Variants in MALT1 observed in about 807,000 individuals in gnomAD.
MALT1 encodes MALT1 paracaspase.
Under a neutral mutation model 85.5 loss-of-function variants are expected in MALT1, and 36 were observed. The observed-to-expected ratio is 0.42, with a 90% CI of 0.32 to 0.56. MALT1 has a LOEUF of 0.56. Among genes scored for constraint, MALT1 ranks in the 20% least tolerant of loss-of-function variants. The pLI is 0.10. For synonymous variants in MALT1, 359 were observed against 361.3 expected (o/e 0.99, Z 0.07); for missense variants, 716 against 981.6 (o/e 0.73, Z 3.62).
intron 2 of MALT1, among the ~76,000 whole-genome samples, chr18:58,682,794 A>T (rs1297192723): frequency 6.6e-6 from 1 of 152,220 alleles, no homozygotes; most frequent in Non-Finnish European, 1.5e-5. Context: ...AGGGCCCTGG[A>T]TTATAAATAA....
chr18:58,674,204 A>C (rs2054207684), intron 1 of MALT1: 1 of 152,202 alleles, frequency 6.6e-6, no homozygotes, highest in African/African-American at 2.4e-5. Flanking sequence ...AAAGCAGCGG[A>C]TACTTGATGT....
intron 2 of MALT1, among the ~76,000 whole-genome samples, chr18:58,690,102 A>G (rs1368910478): frequency 5.9e-5 from 9 of 152,192 alleles, no homozygotes; most frequent in Admixed American, 4.6e-4. Flanking sequence ...TGCGGCACCC[A>G]TGTGTCTAGC....
chr18:58,689,003 T>C (rs1318638269), intron 2 of MALT1, among the ~76,000 whole-genome samples: 1 of 151,868 alleles, frequency 6.6e-6, no homozygotes, highest in Non-Finnish European at 1.5e-5. Flanking sequence ...AATGCAAAAA[T>C]TAGCCGGGTA....
intron 2 of MALT1, among the ~76,000 whole-genome samples, chr18:58,692,620 G>C (rs997665376): frequency 6.6e-6 from 1 of 152,020 alleles, no homozygotes; most frequent in African/African-American, 2.4e-5. Flanking sequence ...TTGAAATTAG[G>C]CTGATTAATA....
chr18:58,705,298 G>GTGTA, intron 4 of MALT1, among the ~76,000 whole-genome samples: 1 of 116,890 alleles, frequency 8.6e-6, no homozygotes, highest in Non-Finnish European at 2.1e-5. Context: ...ACGTGTGTGT[G>GTGTA]TGTGTGTGTG....
rs143867885 is a variant in MALT1 at position 58,678,115 on chromosome 18, G to A, written c.210-3055G>A. ...CTATTTAATTCTAACAACCCTATGA[G>A]GTAGATAATATTACTAATGAAATTA... On this transcript the variant is annotated intron_variant, in intron 1 of 16. Transcript: ENST00000649217. Among the ~76,000 whole-genome samples the A allele has an allele frequency of 1.7e-3, 262 of 152,172 alleles. 1 individual carries two copies. The Middle Eastern group carries it at 0.024, about 14-fold the overall frequency.
chr18:58,710,493 C>T lies in MALT1; in HGVS notation c.925+421C>T, dbSNP rs538756684. Among the ~76,000 whole-genome samples, 82 of 151,978 alleles carry T rather than the reference C, an allele frequency of 5.4e-4. 1 individual carries two copies. In the Middle Eastern group the frequency reaches 0.024, roughly 44 times the overall value. ...TGAGCCCAGGAGTTTGAGACCAGCC[C>T]GGGCAACATAGTGAGATTCCATCTC... On this transcript the variant is annotated intron_variant, in intron 6 of 16. Coordinates refer to ENST00000649217, the MANE Select transcript of MALT1 (RefSeq NM_006785.4).
rs2055432254 is a variant in MALT1 at position 58,750,482 on chromosome 18, T to C, written c.*2640T>C. 1 of 152,340 alleles carries C rather than the reference T, an allele frequency of 6.6e-6. No homozygotes were observed. The highest frequency in any genetic ancestry group is 2.1e-4 in the South Asian group (1 of 4,824). 9.4% of individuals were successfully genotyped at this position (152,340 alleles called of 1,614,324 possible). On this transcript the variant is annotated 3_prime_UTR_variant, in exon 17 of 17. Coordinates refer to ENST00000649217, the MANE Select transcript of MALT1 (RefSeq NM_006785.4). ...AGAACAAAGTTGGAAGACGTACCAA[T>C]TTCAAAAAGTGCTACCAAGCTACAA...
chr18:58,727,381 G>A lies in MALT1; in HGVS notation c.1222+4130G>A, dbSNP rs534476424. ...TGCGGTGGCGCAATCTCGGCTCACG[G>A]CAACCTCTGCCTCCTGGGTTCAAGC... On this transcript the variant is annotated intron_variant, in intron 10 of 16. Transcript: ENST00000649217. Among the ~76,000 whole-genome samples, 12 of 152,292 alleles carry A rather than the reference G, an allele frequency of 7.9e-5. No homozygotes were observed. The South Asian group carries it at 2.5e-3, about 32-fold the overall frequency.
chr18:58,736,820 G>A (rs4594348), intron 13 of MALT1, among the ~76,000 whole-genome samples: 18,052 of 152,226 alleles, frequency 0.12, 1,645 homozygotes, highest in African/African-American at 0.26. Context: ...TGTGCCCTTC[G>A]TGGGTAACGG....
chr18:58,688,873 G>A (rs984101246), intron 2 of MALT1, among the ~76,000 whole-genome samples: 3 of 152,234 alleles, frequency 2.0e-5, no homozygotes, highest in South Asian at 4.1e-4. Flanking sequence ...CCAAGAGGCC[G>A]GTCATGGTGG....
rs369169413 is a variant in MALT1 at position 58,690,860 on chromosome 18, C to T, written c.377-5506C>T. On this transcript the variant is annotated intron_variant, in intron 2 of 16. Coordinates refer to ENST00000649217, the MANE Select transcript of MALT1 (RefSeq NM_006785.4). ...GAACCACATAGAGAACCAAGATGAG[C>T]GTCTTCTGAATTTGATCTCTCATGC... is the stretch of plus-strand genomic sequence containing the variant. 9 of 227,952 alleles carry T rather than the reference C, an allele frequency of 3.9e-5. No homozygotes were observed. The East Asian group carries it at 6.7e-4, about 17-fold the overall frequency. The allele number at this position is 227,952 out of a possible 1,614,324, so 14.1% of individuals were successfully genotyped here.
intron 1 of MALT1, 44 bp downstream of exon 1, chr18:58,671,896 G>A: frequency 1.7e-6 from 2 of 1,185,272 alleles, no homozygotes; most frequent in Non-Finnish European, 2.1e-6. Context: ...GGTCGAGCGG[G>A]GTGGGCTGCG....
chr18:58,674,896 C>A (rs2054217864), intron 1 of MALT1, among the ~76,000 whole-genome samples: 1 of 152,104 alleles, frequency 6.6e-6, no homozygotes, highest in Non-Finnish European at 1.5e-5. Flanking sequence ...TTACATCTTT[C>A]CTCAAACTGG....
rs1271926136 is a variant in MALT1, at chr18:58,671,829, G to T, written c.186G>T (p.Gly62=). ...RGWRRLAELA[G]SRGRLRLSCL... ...GGAGGAGACTGGCGGAGCTGGCGGG[G>T]AGTCGCGGGCGCCTCCGCCTCAGGT... The change falls in exon 1 of 17, where the codon GGG becomes GGT. Residue 62 remains glycine, a synonymous_variant. Coordinates refer to ENST00000649217, the MANE Select transcript of MALT1 (RefSeq NM_006785.4). 2.4e-6 allele frequency: 3 copies of T among 1,231,086 alleles called. No homozygotes were observed. Among genetic ancestry groups the T allele is most frequent in the East Asian group, 3.2e-5 (1 of 30,782 alleles). 76.3% of individuals were successfully genotyped at this position (1,231,086 alleles called of 1,614,324 possible).
chr18:58,680,162 C>A (rs1283393720), intron 1 of MALT1, among the ~76,000 whole-genome samples: 1 of 152,194 alleles, frequency 6.6e-6, no homozygotes, highest in East Asian at 1.9e-4. Context: ...TTCTTAGATA[C>A]CTTTTCAGAG....
At chr18:58,725,057 G>A (rs2144429368) in intron 10 of MALT1, among the ~76,000 whole-genome samples, 1 of 149,944 alleles carries the variant, frequency 6.7e-6, no homozygotes, top group Middle Eastern at 3.5e-3. Context: ...TTAAACCCGG[G>A]AGGTGAAGGT....
In MALT1 at chr18:58,709,575, G is replaced by A; in HGVS notation, c.828+19G>A. On this transcript the variant is annotated intron_variant, in intron 5 of 16. Coordinates refer to ENST00000649217, the MANE Select transcript of MALT1 (RefSeq NM_006785.4). ...ATACATGGTAGGAAGTTGATTTTGG[G>A]GTCTTTTGGGGGAGTTAACATGTAA... is the stretch of plus-strand genomic sequence containing the variant. The A allele has an allele frequency of 6.4e-7, 1 of 1,571,724 alleles. No homozygotes were observed. Among genetic ancestry groups the A allele is most frequent in the Non-Finnish European group, 8.6e-7 (1 of 1,159,222 alleles).
intron 2 of MALT1, among the ~76,000 whole-genome samples, chr18:58,682,255 G>T (rs1231663453): frequency 6.6e-6 from 1 of 152,180 alleles, no homozygotes; most frequent in African/African-American, 2.4e-5. Context: ...TTTATTGTTA[G>T]TTGTGGGATA....
Sources: gnomAD v4.1 joint callset for allele counts (sites outside exome capture counted in the v4.1 genomes callset) on GRCh38, gnomAD v4.1.1 for gene constraint, MANE v1.5 for transcripts, NCBI Gene and HGNC (gene_info 2026-07-23, HGNC 2026-07-21) for gene names.